Variants in PCBP3 observed in about 807,000 individuals in gnomAD.
The protein encoded by PCBP3 is poly(rC)-binding protein 3.
A neutral mutation model predicts 52.7 loss-of-function variants in PCBP3; 25 were observed. The observed-to-expected ratio is 0.47, with a 90% CI of 0.35 to 0.66. The LOEUF (loss-of-function observed/expected upper bound fraction) is 0.66. Among genes scored for constraint, PCBP3 ranks in the 30% least tolerant of loss-of-function variants. PCBP3 has a pLI of 0.01. For synonymous variants in PCBP3, 162 were observed against 183.0 expected (o/e 0.89, Z 0.93); for missense variants, 391 against 490.3 (o/e 0.80, Z 1.91).
At chr21:45,935,392 G>A in intron 16 of PCBP3, 87 bp downstream of exon 16, 1 of 937,026 alleles carries the variant, frequency 1.1e-6, no homozygotes, top group Non-Finnish European at 1.7e-6. Context: ...TGGGCAGAGG[G>A]ACCCACTGCT....
intron 5 of PCBP3, chr21:45,859,107 T>C (rs1019577089): frequency 6.6e-6 from 1 of 152,358 alleles, no homozygotes; most frequent in African/African-American, 2.4e-5. Flanking sequence ...AAAACCCCAA[T>C]CCAGCCTTTC....
At chr21:45,787,710 G>C (rs1181680110) in intron 4 of PCBP3, among the ~76,000 whole-genome samples, 2 of 152,228 alleles carry the variant, frequency 1.3e-5, no homozygotes, top group Non-Finnish European at 2.9e-5. Context: ...GCTAATGGCT[G>C]TCCACAGGGT....
chr21:45,766,627 A>G (rs1282044274), intron 4 of PCBP3, among the ~76,000 whole-genome samples: 9 of 152,152 alleles, frequency 5.9e-5, no homozygotes, highest in African/African-American at 2.2e-4. Context: ...TCACGGTTAC[A>G]CTTTTGGGAA....
At chr21:45,913,257 C>T (rs2096437129) in intron 11 of PCBP3, among the ~76,000 whole-genome samples, 1 of 152,242 alleles carries the variant, frequency 6.6e-6, no homozygotes, top group South Asian at 2.1e-4. Flanking sequence ...CTCATCGTAA[C>T]TATGGGATTT....
intron 13 of PCBP3, among the ~76,000 whole-genome samples, chr21:45,922,714 C>A (rs1251979154): frequency 6.6e-6 from 1 of 152,184 alleles, no homozygotes; most frequent in Non-Finnish European, 1.5e-5. Context: ...GCCATGTAGG[C>A]GATTTTAGAT....
intron 4 of PCBP3, among the ~76,000 whole-genome samples, chr21:45,803,643 A>G (rs1326830014): frequency 2.0e-5 from 3 of 152,218 alleles, no homozygotes; most frequent in Non-Finnish European, 4.4e-5. Flanking sequence ...GCTGCCCTGC[A>G]CAGTGCTTGG....
chr21:45,919,131 G>C (rs115643812), intron 13 of PCBP3: 1 of 75,014 alleles, frequency 1.3e-5, no homozygotes, highest in Non-Finnish European at 2.6e-5. Flanking sequence ...AACAGAGAAC[G>C]AGAGACAGAC....
chr21:45,678,315 A>AT (rs1364995762), intron 2 of PCBP3, among the ~76,000 whole-genome samples: 2 of 151,470 alleles, frequency 1.3e-5, no homozygotes, highest in African/African-American at 2.4e-5. Flanking sequence ...CAAAAAAAAA[A>AT]AAAAATAATA....
intron 4 of PCBP3, among the ~76,000 whole-genome samples, chr21:45,784,451 TA>T (rs1390972170): frequency 6.6e-6 from 1 of 150,462 alleles, no homozygotes; most frequent in Admixed American, 6.6e-5. Context: ...TCCTACCTCC[TA>T]CCTCCTACCT....
At chr21:45,742,178 C>T (rs1469476770) in intron 3 of PCBP3, among the ~76,000 whole-genome samples, 1 of 152,200 alleles carries the variant, frequency 6.6e-6, no homozygotes, top group African/African-American at 2.4e-5. Flanking sequence ...TCCACAGCAG[C>T]TTCCTCTCTT....
At chr21:45,915,872 C>T (rs1466233198) in intron 12 of PCBP3, 2 of 152,334 alleles carry the variant, frequency 1.3e-5, no homozygotes, top group Admixed American at 6.5e-5. Flanking sequence ...CTGGCGTCTC[C>T]TTGACGACTC....
rs75288004 is a variant in PCBP3 at position 45,715,118 on chromosome 21, G to C, written c.-199-20274G>C. Among the ~76,000 whole-genome samples, 561 of 152,326 alleles carry C rather than the reference G, an allele frequency of 3.7e-3. 1 individual carries two copies. Among genetic ancestry groups the C allele is most frequent in the Non-Finnish European group, 5.7e-3 (388 of 68,028 alleles). The stretch of plus-strand genomic sequence containing the variant: ...AGCAGGTTGCAAAAGGATAAGTGCA[G>C]TTTGGTATTGTTTTTGGATATGCAC... On this transcript the variant is annotated intron_variant, in intron 2 of 17. Transcript: ENST00000681687.
intron 4 of PCBP3, among the ~76,000 whole-genome samples, chr21:45,835,831 C>G (rs1236191271): frequency 6.6e-6 from 1 of 152,156 alleles, no homozygotes; most frequent in Admixed American, 6.5e-5. Flanking sequence ...CGCAGGAGGT[C>G]TGGGCCTTAT....
At position 45,837,841 on chromosome 21, in the gene PCBP3, G is replaced by A. The variant is rs1410411308; in HGVS notation, c.-125-12120G>A. Reference sequence around the variant, plus strand: ...GGGGTCAGCCTGATCCGCCACTGCTGGGTTCCCCACCAGCCTTGCAGCTTG... The same window carrying A: ...GGGGTCAGCCTGATCCGCCACTGCTAGGTTCCCCACCAGCCTTGCAGCTTG... On this transcript the variant is annotated intron_variant, in intron 4 of 17. Transcript: ENST00000681687. The surrounding 1 kb of genome is among the most constrained non-coding windows in gnomAD (Gnocchi z 4.1). Among the ~76,000 whole-genome samples, 1 of 152,224 alleles carries A rather than the reference G, an allele frequency of 6.6e-6. No homozygotes were observed. The highest frequency in any genetic ancestry group is 2.4e-5 in the African/African-American group (1 of 41,448).
rs1179247295 is a variant in PCBP3 at position 45,800,267 on chromosome 21, CCA to C, written c.-126+44818_-126+44819del. 6.6e-6 allele frequency among the ~76,000 whole-genome samples: 1 copy of C among 152,166 alleles called. No homozygotes were observed. Among genetic ancestry groups the C allele is most frequent in the African/African-American group, 2.4e-5 (1 of 41,436 alleles). On this transcript the variant is annotated intron_variant, in intron 4 of 17. Transcript: ENST00000681687. The surrounding 1 kb of genome is among the most constrained non-coding windows in gnomAD (Gnocchi z 5.3). ...AGCCAGAGGCTCCTGGCAGATCCAC[CCA>C]CAGAGACAGCAGGTCCAGGTCAGGG...
intron 13 of PCBP3, among the ~76,000 whole-genome samples, chr21:45,927,946 G>A (rs1025280360): frequency 6.6e-6 from 1 of 152,152 alleles, no homozygotes; most frequent in Non-Finnish European, 1.5e-5. Context: ...TAGGAGTCGG[G>A]GGTTTGCGGA....
Position 45,925,008 on chromosome 21 carries a change from C to T in PCBP3, c.718-4909C>T, listed in dbSNP as rs1206928498. Reference sequence around the variant, plus strand: ...CAGCACACGTAAGATCGGGTGTGCACGAGGAGATGCGAACACCGGGAACAG... The same window carrying T: ...CAGCACACGTAAGATCGGGTGTGCATGAGGAGATGCGAACACCGGGAACAG... On this transcript the variant is annotated intron_variant, in intron 13 of 17. Transcript: ENST00000681687. Among the ~76,000 whole-genome samples the T allele has an allele frequency of 8.8e-4, 72 of 81,630 alleles. No individual in the cohort carries two copies. In the East Asian group the frequency reaches 9.9e-3, roughly 11 times the overall value. The allele number at this position is 81,630 out of a possible 152,430, so 53.6% of individuals were successfully genotyped here. A position where few individuals can be genotyped will look rare whatever the true frequency, so the allele number is the denominator to read the frequency against.
chr21:45,847,344 T>C (rs2093837116), intron 4 of PCBP3, among the ~76,000 whole-genome samples: 1 of 152,248 alleles, frequency 6.6e-6, no homozygotes. Flanking sequence ...ATTTTTACTT[T>C]TGCAGAACAG....
chr21:45,653,036 C>A lies in PCBP3; in HGVS notation c.-279+9168C>A, dbSNP rs558672864. 8.5e-5 allele frequency among the ~76,000 whole-genome samples: 13 copies of A among 152,126 alleles called. No individual in the cohort carries two copies. In the South Asian group the frequency reaches 2.7e-3, roughly 32 times the overall value. ...TGGATTCCTAGGTAATTTAGAAGAA[C>A]GTTTAAACATTTCTAAACATATGCA... On this transcript the variant is annotated intron_variant, in intron 1 of 17. Coordinates refer to ENST00000681687, the MANE Select transcript of PCBP3 (RefSeq NM_001384156.1).
Sources: gnomAD v4.1 joint callset for allele counts (sites outside exome capture counted in the v4.1 genomes callset) on GRCh38, gnomAD v4.1.1 for gene constraint, Gnocchi (gnomAD v3.1) non-coding constraint, MANE v1.5 for transcripts, NCBI Gene and HGNC (gene_info 2026-07-23, HGNC 2026-07-21) for gene names.